Variants in PCDH15 observed in about 807,000 individuals in gnomAD.
PCDH15 encodes protocadherin-15.
PCDH15 carries 129 observed loss-of-function variants against 178.5 expected under a neutral mutation model. The ratio of observed to expected loss-of-function variants is 0.72; its 90% CI spans 0.63 to 0.84. The LOEUF is 0.84. Among genes scored for constraint, PCDH15 ranks in the 40% least tolerant of loss-of-function variants. PCDH15 has a pLI of 0.00. For missense variants in PCDH15, 2,230 were observed against 2,099.9 expected, an observed-to-expected ratio of 1.06 and a Z score of -1.21; for synonymous variants, 800 against 732.0, an observed-to-expected ratio of 1.09 and a Z score of -1.50.
rs141955380 is a variant in PCDH15, at chr10:55,206,424, T to C, written c.-155-39773A>G. ...GCACTCCACAGACACTGATGGCAAA[T>C]GCCATCATCTGGAAGGCTAATTTTA... On this transcript the variant is annotated intron_variant, in intron 1 of 5. Transcript: ENST00000458638. Among the ~76,000 whole-genome samples, 50 of 152,232 alleles carry C rather than the reference T, an allele frequency of 3.3e-4. No homozygotes were observed. In the East Asian group the frequency reaches 6.4e-3, roughly 19 times the overall value.
chr10:53,946,397 T>G (rs2134132681), intron 23 of PCDH15, among the ~76,000 whole-genome samples: 1 of 152,318 alleles, frequency 6.6e-6, no homozygotes, highest in East Asian at 1.9e-4. Flanking sequence ...CATCTCACTT[T>G]TCACCTGAAC....
chr10:55,071,737 C>A (rs1841752082), intron 2 of PCDH15, among the ~76,000 whole-genome samples: 1 of 152,108 alleles, frequency 6.6e-6, no homozygotes, highest in Admixed American at 6.6e-5. Flanking sequence ...CATCTCTGCA[C>A]CAAGCTGACC....
intron 15 of PCDH15, among the ~76,000 whole-genome samples, chr10:54,119,227 T>G (rs2095171523): frequency 6.6e-6 from 1 of 151,854 alleles, no homozygotes. Flanking sequence ...AAAACAAACT[T>G]GAAAATTAAC....
chr10:55,155,042 A>T (rs188090615), intron 2 of PCDH15, among the ~76,000 whole-genome samples: 2 of 152,234 alleles, frequency 1.3e-5, no homozygotes, highest in African/African-American at 4.8e-5. Context: ...TGCTTCTGGC[A>T]GTACAGAGAG....
At chr10:54,323,768 C>A (rs1320042523) in intron 7 of PCDH15, among the ~76,000 whole-genome samples, 1 of 151,292 alleles carries the variant, frequency 6.6e-6, no homozygotes, top group African/African-American at 2.4e-5. Flanking sequence ...TGCTGACCAC[C>A]TGAGTGCAAT....
intron 1 of PCDH15, among the ~76,000 whole-genome samples, chr10:54,730,466 G>A (rs577739899): frequency 6.6e-6 from 1 of 151,506 alleles, no homozygotes; most frequent in South Asian, 2.1e-4. Flanking sequence ...CCCAAGTGAT[G>A]AAATAATCTG....
chr10:54,389,745 C>A (rs1362081594), intron 3 of PCDH15, among the ~76,000 whole-genome samples: 1 of 149,912 alleles, frequency 6.7e-6, no homozygotes, highest in Non-Finnish European at 1.5e-5. Flanking sequence ...TCAAAACCAG[C>A]CTGGCAAACA....
chr10:54,024,519 C>T (rs934007362), intron 18 of PCDH15, among the ~76,000 whole-genome samples: 2 of 152,110 alleles, frequency 1.3e-5, no homozygotes, highest in Non-Finnish European at 2.9e-5. Flanking sequence ...TTCTTTGAAA[C>T]AAGAATGTCT....
intron 4 of PCDH15, 125 bp downstream of exon 4, chr10:54,378,657 G>C: frequency 9.4e-7 from 1 of 1,067,438 alleles, no homozygotes; most frequent in Non-Finnish European, 1.4e-6. Context: ...TAAAGAAACT[G>C]TTGTTGCTAT....
At chr10:54,960,945 T>C (rs1838630005) in intron 2 of PCDH15, among the ~76,000 whole-genome samples, 2 of 152,070 alleles carry the variant, frequency 1.3e-5, no homozygotes, top group South Asian at 4.1e-4. Context: ...TGCAGGCCAA[T>C]CACAAGGAAA....
At chr10:55,254,350 G>A (rs1388910537) in intron 1 of PCDH15, among the ~76,000 whole-genome samples, 2 of 152,108 alleles carry the variant, frequency 1.3e-5, no homozygotes, top group Non-Finnish European at 2.9e-5. Context: ...GAGGGTTTTG[G>A]AAGAGGCTAT....
At chr10:54,448,088 A>C (rs1026262886) in intron 3 of PCDH15, among the ~76,000 whole-genome samples, 15 of 151,782 alleles carry the variant, frequency 9.9e-5, no homozygotes, top group African/African-American at 3.4e-4. Flanking sequence ...AACTTCTCTA[A>C]CCTTTAAAAA....
chr10:54,592,759 A>T (rs933496295), intron 2 of PCDH15, among the ~76,000 whole-genome samples: 4 of 152,154 alleles, frequency 2.6e-5, no homozygotes, highest in Non-Finnish European at 5.9e-5. Context: ...TTGTTAAAGG[A>T]ATCTTCATAT....
chr10:54,957,860 C>A (rs1351705753), intron 2 of PCDH15, among the ~76,000 whole-genome samples: 1 of 151,636 alleles, frequency 6.6e-6, no homozygotes, highest in African/African-American at 2.4e-5. Context: ...AGGAAAATGA[C>A]AATTAAACAC....
chr10:55,404,336 C>T (rs982889445), intron 2 of PCDH15, among the ~76,000 whole-genome samples: 3 of 152,044 alleles, frequency 2.0e-5, no homozygotes, highest in African/African-American at 7.2e-5. Flanking sequence ...ATTGATGAGA[C>T]ACAGATGCTC....
intron 2 of PCDH15, among the ~76,000 whole-genome samples, chr10:55,021,383 T>C (rs1236683784): frequency 2.0e-5 from 3 of 152,212 alleles, no homozygotes; most frequent in Non-Finnish European, 4.4e-5. Context: ...AAAAAGTTAC[T>C]GAATACTATG....
intron 3 of PCDH15, among the ~76,000 whole-genome samples, chr10:54,422,724 A>C (rs759271909): frequency 3.9e-5 from 6 of 152,148 alleles, no homozygotes; most frequent in Non-Finnish European, 7.3e-5. Context: ...CAAAGATTAC[A>C]TTACTAATTT....
At chr10:54,145,270 A>T (rs2043794097) in intron 14 of PCDH15, among the ~76,000 whole-genome samples, 1 of 152,040 alleles carries the variant, frequency 6.6e-6, no homozygotes, top group South Asian at 2.1e-4. Context: ...GGATTGTATT[A>T]TCTTATTATT....
At chr10:54,277,700 T>A (rs1356541909) in intron 8 of PCDH15, among the ~76,000 whole-genome samples, 1 of 151,648 alleles carries the variant, frequency 6.6e-6, no homozygotes, top group Non-Finnish European at 1.5e-5. Context: ...GCAATATTTC[T>A]TGGTTACTAT....
Sources: gnomAD v4.1 joint callset for allele counts (sites outside exome capture counted in the v4.1 genomes callset) on GRCh38, gnomAD v4.1.1 for gene constraint, MANE v1.5 for transcripts, NCBI Gene and HGNC (gene_info 2026-07-23, HGNC 2026-07-21) for gene names.